Variants in NTRK2 observed in about 807,000 individuals in gnomAD.
NTRK2 encodes BDNF/NT-3 growth factors receptor.
In NTRK2, 13 loss-of-function variants were observed where a neutral mutation model predicts 94.5. That is an observed-to-expected ratio of 0.14 (90% CI 0.09 to 0.22). The LOEUF is 0.22. NTRK2 is among the 10% of genes least tolerant of loss of function. NTRK2 has a pLI of 1.00. For missense variants in NTRK2, 639 were observed against 1,071.2 expected (o/e 0.60, Z 5.63); for synonymous variants, 372 against 407.4 (o/e 0.91, Z 1.05).
chr9:84,957,325 G>A (rs568125944), intron 17 of NTRK2, among the ~76,000 whole-genome samples: 10 of 152,218 alleles, frequency 6.6e-5, no homozygotes, highest in Admixed American at 6.5e-4. Context: ...CCAAAGCTAG[G>A]ACTTAACTGG....
chr9:84,996,160 G>A (rs1047522780), intron 17 of NTRK2, among the ~76,000 whole-genome samples: 1 of 152,198 alleles, frequency 6.6e-6, no homozygotes, highest in Admixed American at 6.5e-5. Flanking sequence ...TCAGAAGAGT[G>A]AATAGATTTA....
chr9:84,952,817 T>C (rs1302243369), intron 16 of NTRK2, among the ~76,000 whole-genome samples: 4 of 151,962 alleles, frequency 2.6e-5, no homozygotes, highest in African/African-American at 9.7e-5. Flanking sequence ...GTCTGCAGAG[T>C]GTGGGGTTGG....
chr9:84,859,394 G>T (rs989775151), intron 12 of NTRK2, among the ~76,000 whole-genome samples: 1 of 152,226 alleles, frequency 6.6e-6, no homozygotes, highest in Non-Finnish European at 1.5e-5. Context: ...GTAGCAATTT[G>T]ATAACCTGTA....
intron 2 of NTRK2, among the ~76,000 whole-genome samples, chr9:84,684,224 T>G (rs1197731777): frequency 1.3e-5 from 2 of 152,228 alleles, no homozygotes; most frequent in African/African-American, 4.8e-5. Context: ...CAAGTTTGGC[T>G]TTCGTTGCAA....
intron 9 of NTRK2, among the ~76,000 whole-genome samples, chr9:84,735,791 A>G (rs754349194): frequency 1.3e-5 from 2 of 152,232 alleles, no homozygotes; most frequent in Non-Finnish European, 2.9e-5. Context: ...GATCCACTGT[A>G]TGTCAGTCAT....
intron 12 of NTRK2, among the ~76,000 whole-genome samples, chr9:84,836,951 A>ATAATG (rs1165154145): frequency 5.5e-5 from 8 of 144,490 alleles, no homozygotes; most frequent in African/African-American, 1.8e-4. Context: ...ATAATATAAT[A>ATAATG]TAATATAATA....
At chr9:84,801,899 T>A (rs1325144760) in intron 12 of NTRK2, among the ~76,000 whole-genome samples, 1 of 152,208 alleles carries the variant, frequency 6.6e-6, no homozygotes. Context: ...ACACTGTGTC[T>A]TTTCATCTAT....
chr9:85,020,390 C>A (rs1303522025), intron 18 of NTRK2, 26 bp downstream of exon 18: 1 of 1,613,606 alleles, frequency 6.2e-7, no homozygotes, highest in Non-Finnish European at 8.5e-7. Flanking sequence ...GGCCAAGACC[C>A]TCCAGAGGGC....
At chr9:84,778,694 A>G (rs1278428575) in intron 12 of NTRK2, among the ~76,000 whole-genome samples, 2 of 152,214 alleles carry the variant, frequency 1.3e-5, no homozygotes, top group African/African-American at 4.8e-5. Flanking sequence ...AGAATATAAC[A>G]GTGGCCCACA....
chr9:84,797,581 A>G (rs1325968487), intron 12 of NTRK2, among the ~76,000 whole-genome samples: 1 of 91,564 alleles, frequency 1.1e-5, no homozygotes, highest in Non-Finnish European at 2.0e-5. Flanking sequence ...TATATATTAT[A>G]TATACTATAT....
intron 14 of NTRK2, among the ~76,000 whole-genome samples, chr9:84,878,770 G>A (rs1200404346): frequency 6.6e-6 from 1 of 152,072 alleles, no homozygotes; most frequent in Non-Finnish European, 1.5e-5. Context: ...TGTGCACAAA[G>A]CAAGAATCTC....
At chr9:84,825,281 C>T (rs1337012845) in intron 12 of NTRK2, among the ~76,000 whole-genome samples, 1 of 152,230 alleles carries the variant, frequency 6.6e-6, no homozygotes, top group East Asian at 1.9e-4. Flanking sequence ...ATGCTTCCAC[C>T]CCCTGAGCCC....
chr9:84,699,119 C>T (rs538731507), intron 2 of NTRK2, among the ~76,000 whole-genome samples: 1 of 150,702 alleles, frequency 6.6e-6, no homozygotes, highest in South Asian at 2.1e-4. Flanking sequence ...TCATGTCAAG[C>T]TCCACCTCCC....
intron 14 of NTRK2, among the ~76,000 whole-genome samples, chr9:84,895,307 A>C (rs986604519): frequency 6.6e-6 from 1 of 152,230 alleles, no homozygotes; most frequent in Non-Finnish European, 1.5e-5. Flanking sequence ...AGTCCCTGGC[A>C]CTTTTGATCC....
intron 12 of NTRK2, among the ~76,000 whole-genome samples, chr9:84,797,281 T>A (rs1360591316): frequency 6.6e-6 from 1 of 151,794 alleles, no homozygotes; most frequent in Admixed American, 6.6e-5. Context: ...ATTTCTCACA[T>A]GTTGTCTATG....
At chr9:84,937,514 G>A (rs1180836551) in intron 15 of NTRK2, among the ~76,000 whole-genome samples, 3 of 152,160 alleles carry the variant, frequency 2.0e-5, no homozygotes, top group Non-Finnish European at 4.4e-5. Flanking sequence ...TAAGGCATGT[G>A]CACAACACTT....
chr9:84,697,924 T>C (rs946260378), intron 2 of NTRK2, among the ~76,000 whole-genome samples: 1 of 152,156 alleles, frequency 6.6e-6, no homozygotes, highest in African/African-American at 2.4e-5. Context: ...CTCTCTTTCT[T>C]TCCCTCTCTC....
chr9:85,013,908 A>C (rs892397613), intron 17 of NTRK2, among the ~76,000 whole-genome samples: 13 of 152,184 alleles, frequency 8.5e-5, no homozygotes, highest in Non-Finnish European at 1.6e-4. Flanking sequence ...CCTCCCAGGC[A>C]TCATTGGTCT....
chr9:84,828,964 A>G (rs938839255), intron 12 of NTRK2, among the ~76,000 whole-genome samples: 41 of 151,772 alleles, frequency 2.7e-4, no homozygotes, highest in African/African-American at 9.2e-4. Context: ...TTTTTTTTTA[A>G]AGAAGCCAGA....
Sources: allele counts gnomAD v4.1 joint callset (sites outside exome capture counted in the v4.1 genomes callset), GRCh38; gene constraint gnomAD v4.1.1; transcripts MANE v1.5; gene names NCBI Gene and HGNC (gene_info 2026-07-23, HGNC 2026-07-21).